Variants in DLGAP2 observed in about 807,000 individuals in gnomAD.
The protein encoded by DLGAP2 is disks large-associated protein 2.
A neutral mutation model predicts 100.3 loss-of-function variants in DLGAP2; 26 were observed. That is an observed-to-expected ratio of 0.26 (90% CI 0.19 to 0.36). The LOEUF is 0.36. Among genes scored for constraint, DLGAP2 ranks in the 10% least tolerant of loss-of-function variants. The probability of loss-of-function intolerance (pLI) is 1.00; values close to 1 mark genes in which losing one functional copy is unlikely to be tolerated. For synonymous variants in DLGAP2, 886 were observed against 630.1 expected (o/e 1.41, Z -6.08); for missense variants, 1,858 against 1,453.2 (o/e 1.28, Z -4.53).
chr8:1,629,053 C>G (rs969628967), intron 7 of DLGAP2, among the ~76,000 whole-genome samples: 3 of 152,236 alleles, frequency 2.0e-5, no homozygotes, highest in African/African-American at 7.2e-5. Context: ...GCCCTCCTGG[C>G]TGCAGATCAT....
At chr8:1,510,148 G>A (rs192375123) in intron 4 of DLGAP2, among the ~76,000 whole-genome samples, 2 of 152,350 alleles carry the variant, frequency 1.3e-5, no homozygotes, top group East Asian at 3.9e-4. Context: ...GTGCAAATGG[G>A]CATTCGAAAA....
At position 1,075,244 on chromosome 8, in the gene DLGAP2, C is replaced by T. The variant is rs145641779; in HGVS notation, c.73+167278C>T. On this transcript the variant is annotated intron_variant, in intron 2 of 14. Coordinates refer to ENST00000637795, the MANE Select transcript of DLGAP2 (RefSeq NM_001346810.2). ...CAGATGACCACTCCGGCTGCCTTTT[C>T]GAGTTAGGACCCTCTTGTTGAGGAG... Among the ~76,000 whole-genome samples the T allele has an allele frequency of 4.2e-3, 643 of 152,236 alleles. 4 individuals are homozygous for T. Among genetic ancestry groups the T allele is most frequent in the Middle Eastern group, 0.017 (5 of 294 alleles).
chr8:1,674,659 G>C (rs1798768057), intron 10 of DLGAP2, among the ~76,000 whole-genome samples: 1 of 152,110 alleles, frequency 6.6e-6, no homozygotes. Context: ...AAATTATAAA[G>C]TGCAAATACC....
intron 2 of DLGAP2, among the ~76,000 whole-genome samples, chr8:1,038,850 T>C (rs1465943639): frequency 6.6e-6 from 1 of 152,170 alleles, no homozygotes; most frequent in African/African-American, 2.4e-5. Flanking sequence ...AAAATCAAGT[T>C]GTGTGAGGAA....
chr8:1,189,133 C>G (rs11785265), intron 2 of DLGAP2, among the ~76,000 whole-genome samples: 33,235 of 137,680 alleles, frequency 0.24, 5,783 homozygotes, highest in Non-Finnish European at 0.33. Flanking sequence ...CATGGCGGTT[C>G]CGCTGTTGGG....
intron 4 of DLGAP2, among the ~76,000 whole-genome samples, chr8:1,518,775 G>A (rs967591707): frequency 6.6e-6 from 1 of 152,212 alleles, no homozygotes; most frequent in Non-Finnish European, 1.5e-5. Context: ...AAACCATATC[G>A]AACCCATGTT....
intron 3 of DLGAP2, among the ~76,000 whole-genome samples, chr8:1,488,355 T>C (rs1174078645): frequency 6.6e-6 from 1 of 152,124 alleles, no homozygotes; most frequent in Non-Finnish European, 1.5e-5. Flanking sequence ...TACTCAGTCT[T>C]GGTGAGCTTG....
At chr8:1,439,374 C>A (rs1797757275) in intron 3 of DLGAP2, among the ~76,000 whole-genome samples, 1 of 152,158 alleles carries the variant, frequency 6.6e-6, no homozygotes, top group Non-Finnish European at 1.5e-5. Context: ...CAGTCATTGC[C>A]ACGGTCCTGC....
intron 7 of DLGAP2, among the ~76,000 whole-genome samples, chr8:1,630,206 A>G (rs1008428564): frequency 1.3e-5 from 2 of 152,198 alleles, no homozygotes. Flanking sequence ...TATCACACCC[A>G]GAAACAAACG....
chr8:1,544,758 G>A (rs1801476273), intron 4 of DLGAP2, among the ~76,000 whole-genome samples: 1 of 148,626 alleles, frequency 6.7e-6, no homozygotes. Context: ...TTGAGACAGA[G>A]GTCTCACTTT....
intron 3 of DLGAP2, among the ~76,000 whole-genome samples, chr8:1,260,202 G>A (rs1285192108): frequency 6.6e-6 from 1 of 152,102 alleles, no homozygotes; most frequent in East Asian, 1.9e-4. Context: ...CCTGTCTGTT[G>A]GGTGTTTGAA....
chr8:1,368,169 CAT>C (rs1491390614), intron 3 of DLGAP2, among the ~76,000 whole-genome samples: 2 of 151,900 alleles, frequency 1.3e-5, no homozygotes, highest in Admixed American at 6.6e-5. Context: ...CATACGTGTG[CAT>C]GTGTGTGTGT....
intron 7 of DLGAP2, 42 bp from the exon 8 acceptor site, chr8:1,632,785 C>T (rs373697861): frequency 3.9e-6 from 6 of 1,548,478 alleles, no homozygotes; most frequent in Non-Finnish European, 4.4e-6. Flanking sequence ...TGATGGTGAC[C>T]CTGGAGGGCC....
chr8:1,124,930 C>T (rs1040912017), intron 2 of DLGAP2, among the ~76,000 whole-genome samples: 1 of 152,274 alleles, frequency 6.6e-6, no homozygotes, highest in South Asian at 2.1e-4. Flanking sequence ...GCCCCTATAC[C>T]GAGGAGGCAT....
intron 2 of DLGAP2, among the ~76,000 whole-genome samples, chr8:1,108,212 A>G (rs534980060): frequency 1.3e-5 from 2 of 152,314 alleles, no homozygotes; most frequent in Admixed American, 1.3e-4. Flanking sequence ...CTTCCTGTCC[A>G]GATGCATTTG....
intron 1 of DLGAP2, among the ~76,000 whole-genome samples, chr8:863,967 C>G (rs1009299495): frequency 2.0e-5 from 3 of 152,140 alleles, no homozygotes; most frequent in Non-Finnish European, 4.4e-5. Context: ...TGTCCATCAA[C>G]AGGTGAATGG....
chr8:1,392,789 T>C lies in DLGAP2; in HGVS notation c.107-108577T>C, dbSNP rs1024827115. On this transcript the variant is annotated intron_variant, in intron 3 of 14. Coordinates refer to ENST00000637795, the MANE Select transcript of DLGAP2 (RefSeq NM_001346810.2). ...GGGCTGTGTTCTTTCTTCGGGATAA[T>C]TGCAGCTTGAAACTCCTGGGCATCT... Among the ~76,000 whole-genome samples the C allele has an allele frequency of 1.1e-4, 16 of 142,126 alleles. 1 individual carries two copies. Among genetic ancestry groups the C allele is most frequent in the Non-Finnish European group, 2.3e-4 (15 of 64,330 alleles). The allele number at this position is 142,126 out of a possible 152,430, so 93.2% of individuals were successfully genotyped here. A position where few individuals can be genotyped will look rare whatever the true frequency, so the allele number is the denominator to read the frequency against.
At chr8:1,185,574 T>C (rs367947630) in intron 2 of DLGAP2, among the ~76,000 whole-genome samples, 1 of 152,216 alleles carries the variant, frequency 6.6e-6, no homozygotes, top group East Asian at 1.9e-4. Flanking sequence ...CACTAGTCAT[T>C]TATTGACTCG....
At chr8:855,697 C>A (rs1191944976) in intron 1 of DLGAP2, among the ~76,000 whole-genome samples, 1 of 152,080 alleles carries the variant, frequency 6.6e-6, no homozygotes, top group East Asian at 1.9e-4. Context: ...ATTTTTGAGG[C>A]CCTACAAAAC....
Sources: allele counts gnomAD v4.1 joint callset (sites outside exome capture counted in the v4.1 genomes callset), GRCh38; gene constraint gnomAD v4.1.1; transcripts MANE v1.5; gene names NCBI Gene and HGNC (gene_info 2026-07-23, HGNC 2026-07-21).